COL26A1: variants seen among roughly 807,000 people sequenced by gnomAD.
The protein encoded by COL26A1 is collagen type XXVI alpha 1 chain.
A neutral mutation model predicts 59.3 loss-of-function variants in COL26A1; 41 were observed. That is an observed-to-expected ratio of 0.69 (90% CI 0.54 to 0.90). The LOEUF is 0.90. COL26A1 is among the 40% of genes least tolerant of loss of function. The pLI is 0.00. For synonymous variants in COL26A1, 266 were observed against 256.0 expected, an observed-to-expected ratio of 1.04 and a Z score of -0.37; for missense variants, 612 against 602.3, an observed-to-expected ratio of 1.02 and a Z score of -0.17.
intron 1 of COL26A1, among the ~76,000 whole-genome samples, chr7:101,411,100 G>C (rs1792231894): frequency 6.6e-6 from 1 of 152,302 alleles, no homozygotes; most frequent in Non-Finnish European, 1.5e-5. Flanking sequence ...CTCAGATCCT[G>C]CTGGGGCTCA....
At chr7:101,429,013 C>T (rs1434257508) in intron 2 of COL26A1, among the ~76,000 whole-genome samples, 1 of 151,444 alleles carries the variant, frequency 6.6e-6, no homozygotes, top group Non-Finnish European at 1.5e-5. Context: ...CAATCTCTGC[C>T]TCCAGGTTCA....
intron 3 of COL26A1, among the ~76,000 whole-genome samples, chr7:101,465,194 G>A (rs891938973): frequency 6.6e-6 from 1 of 151,778 alleles, no homozygotes; most frequent in African/African-American, 2.4e-5. Context: ...CACACCACCT[G>A]TAGCTCTGCT....
intron 3 of COL26A1, among the ~76,000 whole-genome samples, chr7:101,458,959 GC>G (rs1233573315): frequency 6.6e-6 from 1 of 151,894 alleles, no homozygotes; most frequent in African/African-American, 2.4e-5. Flanking sequence ...GTGCCACCAT[GC>G]CTGGCTAATT....
At chr7:101,371,357 T>C (rs1184830302) in intron 1 of COL26A1, among the ~76,000 whole-genome samples, 2 of 152,074 alleles carry the variant, frequency 1.3e-5, no homozygotes, top group African/African-American at 4.8e-5. Context: ...ATTCAAGAAT[T>C]GGCAACTGTG....
intron 1 of COL26A1, among the ~76,000 whole-genome samples, chr7:101,413,762 G>T (rs1792303146): frequency 6.6e-6 from 1 of 152,140 alleles, no homozygotes; most frequent in Admixed American, 6.6e-5. Context: ...AGGCTGCCGG[G>T]AGTGTGTTCA....
chr7:101,425,886 G>A (rs1792635631), intron 2 of COL26A1, among the ~76,000 whole-genome samples: 2 of 151,164 alleles, frequency 1.3e-5, no homozygotes, highest in Non-Finnish European at 1.5e-5. Context: ...GAGTGCGGTG[G>A]CGTGATCTCA....
intron 7 of COL26A1, among the ~76,000 whole-genome samples, chr7:101,546,602 A>T (rs1413925748): frequency 1.3e-5 from 2 of 152,048 alleles, no homozygotes; most frequent in Non-Finnish European, 2.9e-5. Context: ...GAGGAAGGTG[A>T]TGGCATTGCC....
In COL26A1 at chr7:101,379,463, G is replaced by T. The variant is rs1380663185; in HGVS notation, c.158+16273G>T. Among the ~76,000 whole-genome samples, 3 of 152,152 alleles carry T rather than the reference G, an allele frequency of 2.0e-5. No individual in the cohort carries two copies. The East Asian group carries it at 5.8e-4, about 29-fold the overall frequency. On this transcript the variant is annotated intron_variant, in intron 1 of 12. Coordinates refer to ENST00000313669, the MANE Select transcript of COL26A1 (RefSeq NM_001278563.3). ...CTTGGTGCTCTGCTCACCATTGCCT[G>T]CCTTTCACCCTCCAGATCCTTCCTG...
chr7:101,472,674 G>A (rs1793932119), intron 3 of COL26A1, among the ~76,000 whole-genome samples: 1 of 152,182 alleles, frequency 6.6e-6, no homozygotes, highest in South Asian at 2.1e-4. Flanking sequence ...GCTGGGATGA[G>A]GACAGCCCTT....
intron 10 of COL26A1, 185 bp from the exon 11 acceptor site, chr7:101,553,141 C>T: frequency 1.8e-6 from 1 of 547,808 alleles, no homozygotes; most frequent in South Asian, 2.3e-5. Flanking sequence ...AGGCTGTGCC[C>T]CGGAGCCGTG....
At chr7:101,530,461 G>A (rs1227315072) in intron 3 of COL26A1, among the ~76,000 whole-genome samples, 3 of 151,310 alleles carry the variant, frequency 2.0e-5, no homozygotes, top group African/African-American at 7.3e-5. Context: ...CTAGCTACCC[G>A]GGAGGCTGAG....
Position 101,362,985 on chromosome 7 carries a change from C to A in COL26A1, c.-48C>A, listed in dbSNP as rs1377352453. On this transcript the variant is annotated 5_prime_UTR_variant, in exon 1 of 13. Coordinates refer to ENST00000313669, the MANE Select transcript of COL26A1 (RefSeq NM_001278563.3). The stretch of plus-strand genomic sequence containing the variant: ...CGGTCCGGGCGCCGGTGCGCTCCTG[C>A]CGGTCCTCGTGCCCGGGACTCCGGG... 3.9e-6 allele frequency: 6 copies of A among 1,531,354 alleles called. No homozygotes were observed. In the South Asian group the frequency reaches 4.8e-5, roughly 12 times the overall value. 94.9% of individuals were successfully genotyped at this position (1,531,354 alleles called of 1,614,324 possible). A position where few individuals can be genotyped will look rare whatever the true frequency, so the allele number is the denominator to read the frequency against.
intron 2 of COL26A1, among the ~76,000 whole-genome samples, chr7:101,446,278 T>A (rs1793193185): frequency 6.6e-6 from 1 of 152,148 alleles, no homozygotes; most frequent in African/African-American, 2.4e-5. Context: ...ATCCAAACCC[T>A]ATCACATACA....
chr7:101,490,891 C>T (rs1794443290), intron 3 of COL26A1, among the ~76,000 whole-genome samples: 2 of 149,954 alleles, frequency 1.3e-5, no homozygotes, highest in African/African-American at 2.5e-5. Context: ...CCCAGCTACT[C>T]AGGAGGCTGA....
chr7:101,557,589 C>T lies in COL26A1; in HGVS notation c.*59C>T. 2 of 1,509,476 alleles carry T rather than the reference C, an allele frequency of 1.3e-6. No individual in the cohort carries two copies. The highest frequency in any genetic ancestry group is 8.9e-7 in the Non-Finnish European group (1 of 1,120,196). The allele number at this position is 1,509,476 out of a possible 1,614,324, so 93.5% of individuals were successfully genotyped here. ...AGAGACCCAGCCCCAGAGGCCTGAG[C>T]CGCCGCTGTTTCCTAAAGATGCCCC... On this transcript the variant is annotated 3_prime_UTR_variant, in exon 13 of 13. Coordinates refer to ENST00000313669, the MANE Select transcript of COL26A1 (RefSeq NM_001278563.3).
chr7:101,446,046 CAAAAAA>C (rs60343304), intron 2 of COL26A1, among the ~76,000 whole-genome samples: 9 of 50,994 alleles, frequency 1.8e-4, no homozygotes, highest in Admixed American at 2.8e-4. Context: ...GACTCCGTCT[CAAAAAA>C]AAAAAAAAAA....
intron 9 of COL26A1, 124 bp from the exon 10 acceptor site, chr7:101,550,984 A>T: frequency 8.9e-7 from 1 of 1,129,622 alleles, no homozygotes; most frequent in Non-Finnish European, 1.3e-6. Flanking sequence ...CGGCCGGGCC[A>T]TCCTCCTCTC....
chr7:101,532,123 G>A (rs1212146918), intron 3 of COL26A1, among the ~76,000 whole-genome samples: 2 of 152,102 alleles, frequency 1.3e-5, no homozygotes, highest in African/African-American at 4.8e-5. Context: ...CATCATTAAA[G>A]AGCTCCAGGT....
chr7:101,403,106 A>G (rs1792053160), intron 1 of COL26A1, among the ~76,000 whole-genome samples: 1 of 152,034 alleles, frequency 6.6e-6, no homozygotes, highest in African/African-American at 2.4e-5. Context: ...AGCCTCCCAA[A>G]GTGCTGGGAT....
Sources: allele counts gnomAD v4.1 joint callset (sites outside exome capture counted in the v4.1 genomes callset), GRCh38; gene constraint gnomAD v4.1.1; transcripts MANE v1.5; gene names NCBI Gene and HGNC (gene_info 2026-07-23, HGNC 2026-07-21).